UBL3: variants seen among roughly 807,000 people sequenced by gnomAD.
UBL3 encodes ubiquitin-like protein 3.
In UBL3, 6 loss-of-function variants were observed where a neutral mutation model predicts 18.4. That is an observed-to-expected ratio of 0.33 (90% CI 0.18 to 0.64). The LOEUF is 0.64. Ranked by LOEUF, UBL3 falls within the 30% of genes least tolerant of loss-of-function variation. The pLI, the probability that UBL3 is intolerant of heterozygous loss-of-function variation, is 0.76. For synonymous variants in UBL3, 49 were observed against 46.6 expected, an observed-to-expected ratio of 1.05 and a Z score of -0.21; for missense variants, 109 against 142.9, an observed-to-expected ratio of 0.76 and a Z score of 1.21.
intron 1 of UBL3, among the ~76,000 whole-genome samples, chr13:29,788,391 A>G (rs946003103): frequency 1.4e-4 from 22 of 152,316 alleles, no homozygotes; most frequent in African/African-American, 4.8e-4. Context: ...CAATTTTTAA[A>G]ACTAGGAGTC....
At chr13:29,825,315 T>TTC (rs1878587171) in intron 1 of UBL3, among the ~76,000 whole-genome samples, 1 of 152,228 alleles carries the variant, frequency 6.6e-6, no homozygotes, top group South Asian at 2.1e-4. Flanking sequence ...TTCACGATAT[T>TTC]GATTATTCCT....
intron 1 of UBL3, among the ~76,000 whole-genome samples, chr13:29,845,154 C>G (rs1268809393): frequency 1.3e-5 from 2 of 151,972 alleles, no homozygotes; most frequent in Admixed American, 6.6e-5. Flanking sequence ...AACTAAAGAC[C>G]ATTTTAGACA....
In UBL3 at chr13:29,831,704, G is replaced by A. The variant is rs547918743; in HGVS notation, c.27+17808C>T. Among the ~76,000 whole-genome samples the A allele has an allele frequency of 6.1e-5, 9 of 147,148 alleles. No homozygotes were observed. In the South Asian group the frequency reaches 2.0e-3, roughly 32 times the overall value. On this transcript the variant is annotated intron_variant, in intron 1 of 4. Transcript: ENST00000380680. ...AAAGGCTGATGACAGCTTACTTAATGATAGAAAAAAAAAGAACGCTGACAT... is the reference window on the plus strand; with the variant it reads ...AAAGGCTGATGACAGCTTACTTAATAATAGAAAAAAAAAGAACGCTGACAT...
chr13:29,832,333 C>CTTT (rs34577519), intron 1 of UBL3, among the ~76,000 whole-genome samples: 1 of 140,938 alleles, frequency 7.1e-6, no homozygotes, highest in Non-Finnish European at 1.5e-5. Flanking sequence ...TACCTAATTT[C>CTTT]TTTTTTTTTT....
rs278037 is a variant in UBL3, at chr13:29,850,490, C to T, written c.-952G>A. 27,802 of 152,742 alleles carry T rather than the reference C, an allele frequency of 0.18. 2,773 individuals are homozygous for T. The highest frequency in any genetic ancestry group is 0.26 in the African/African-American group (10,807 of 41,528). 9.5% of individuals were successfully genotyped at this position (152,742 alleles called of 1,614,324 possible). Reference sequence around the variant, plus strand: ...TTCTCCTCAGCCCGGGAATGGTTTCCTCTCAGAGCTTTGTTTCTCCTCCTC... The same window carrying T: ...TTCTCCTCAGCCCGGGAATGGTTTCTTCTCAGAGCTTTGTTTCTCCTCCTC... On this transcript the variant is annotated 5_prime_UTR_variant, in exon 1 of 5. Coordinates refer to ENST00000380680, the MANE Select transcript of UBL3 (RefSeq NM_007106.4).
chr13:29,831,729 T>C (rs1878779564), intron 1 of UBL3, among the ~76,000 whole-genome samples: 1 of 149,376 alleles, frequency 6.7e-6, no homozygotes, highest in Admixed American at 6.7e-5. Context: ...AACGCTGACA[T>C]TAAGAGAAGA....
chr13:29,835,210 C>T (rs1392965463), intron 1 of UBL3, among the ~76,000 whole-genome samples: 1 of 118,512 alleles, frequency 8.4e-6, no homozygotes, highest in Admixed American at 9.5e-5. Flanking sequence ...AATCTATGGC[C>T]TACTGGGGAG....
chr13:29,829,357 G>A (rs145276803), intron 1 of UBL3, among the ~76,000 whole-genome samples: 2,144 of 152,314 alleles, frequency 0.014, 45 homozygotes, highest in African/African-American at 0.049. Context: ...CTTCTAGGCC[G>A]CTTTGTTTAC....
At chr13:29,814,189 G>C (rs1273391697) in intron 1 of UBL3, among the ~76,000 whole-genome samples, 1 of 151,930 alleles carries the variant, frequency 6.6e-6, no homozygotes, top group African/African-American at 2.4e-5. Flanking sequence ...ATATTGCACA[G>C]CCAATAAGAA....
chr13:29,819,967 G>A (rs906949171), intron 1 of UBL3, among the ~76,000 whole-genome samples: 1 of 152,028 alleles, frequency 6.6e-6, no homozygotes, highest in Non-Finnish European at 1.5e-5. Flanking sequence ...AAACGTAAAA[G>A]GTTCTACAAA....
Position 29,842,134 on chromosome 13 carries a change from C to CTTTTTT in UBL3, c.27+7372_27+7377dup, listed in dbSNP as rs201006689. ...ACTGAAAACTCCTCCCATTCTCTTT[C>CTTTTTT]TTTTTTTTTTTTTTTTTTTTTTTTA... On this transcript the variant is annotated intron_variant, in intron 1 of 4. Transcript: ENST00000380680. Among the ~76,000 whole-genome samples the CTTTTTT allele has an allele frequency of 7.4e-4, 95 of 128,036 alleles. 4 individuals are homozygous for CTTTTTT. Among genetic ancestry groups the CTTTTTT allele is most frequent in the Middle Eastern group, 4.1e-3 (1 of 246 alleles). 84.0% of individuals were successfully genotyped at this position (128,036 alleles called of 152,430 possible).
chr13:29,840,213 C>A (rs1347420026), intron 1 of UBL3, among the ~76,000 whole-genome samples: 1 of 152,124 alleles, frequency 6.6e-6, no homozygotes, highest in Admixed American at 6.5e-5. Flanking sequence ...AGGATACACA[C>A]ACACACACAA....
chr13:29,840,788 A>C (rs1041509525), intron 1 of UBL3, among the ~76,000 whole-genome samples: 1 of 152,206 alleles, frequency 6.6e-6, no homozygotes, highest in Non-Finnish European at 1.5e-5. Context: ...AAGAATATCC[A>C]TTATGTCATT....
intron 1 of UBL3, among the ~76,000 whole-genome samples, chr13:29,810,635 T>C (rs967536024): frequency 1.3e-5 from 2 of 152,112 alleles, no homozygotes; most frequent in African/African-American, 4.8e-5. Context: ...TTTGTAAATA[T>C]TTAATAACTA....
At chr13:29,770,161 G>A (rs1876802061) in intron 3 of UBL3, among the ~76,000 whole-genome samples, 1 of 152,010 alleles carries the variant, frequency 6.6e-6, no homozygotes, top group South Asian at 2.1e-4. Flanking sequence ...ATTTAAAGAT[G>A]GTTGTATTTC....
At chr13:29,826,440 C>T (rs879387884) in intron 1 of UBL3, among the ~76,000 whole-genome samples, 11 of 152,220 alleles carry the variant, frequency 7.2e-5, no homozygotes, top group Admixed American at 7.2e-4. Context: ...GTGTATGTGT[C>T]CAGGAATTTA....
chr13:29,820,341 TA>T (rs1157461893), intron 1 of UBL3, among the ~76,000 whole-genome samples: 1 of 152,074 alleles, frequency 6.6e-6, no homozygotes, highest in African/African-American at 2.4e-5. Flanking sequence ...CATGCCCAGC[TA>T]ATTTTTGCAT....
intron 1 of UBL3, among the ~76,000 whole-genome samples, chr13:29,841,387 C>T (rs1352638465): frequency 1.3e-5 from 2 of 151,990 alleles, no homozygotes; most frequent in African/African-American, 4.8e-5. Flanking sequence ...ATATATAAAG[C>T]ATTCAAAGTA....
intron 2 of UBL3, among the ~76,000 whole-genome samples, chr13:29,775,450 T>C (rs1003293099): frequency 6.6e-6 from 1 of 152,226 alleles, no homozygotes; most frequent in Non-Finnish European, 1.5e-5. Context: ...ATATACTATG[T>C]TCTTTGTCAA....
Sources: allele counts gnomAD v4.1 joint callset (sites outside exome capture counted in the v4.1 genomes callset), GRCh38; gene constraint gnomAD v4.1.1; transcripts MANE v1.5; gene names NCBI Gene and HGNC (gene_info 2026-07-23, HGNC 2026-07-21).